MZF1: variants seen among roughly 807,000 people sequenced by gnomAD.
MZF1 encodes the protein myeloid zinc finger 1.
In MZF1, 24 loss-of-function variants were observed where a neutral mutation model predicts 28.6. The ratio of observed to expected loss-of-function variants is 0.84; its 90% CI spans 0.61 to 1.18. The LOEUF (loss-of-function observed/expected upper bound fraction) is 1.18, where lower values mean the gene tolerates loss of function less well. MZF1 is among the 50% of genes most tolerant of loss of function. The pLI is 0.00. For missense variants in MZF1, 1,166 were observed against 1,026.4 expected, an observed-to-expected ratio of 1.14 and a Z score of -1.86; for synonymous variants, 516 against 432.5, an observed-to-expected ratio of 1.19 and a Z score of -2.40.
rs1297310920 is a variant in MZF1, at chr19:58,570,975, C to T, written c.396+19G>A. 6.3e-7 allele frequency: 1 copy of T among 1,587,304 alleles called. No individual in the cohort carries two copies. The highest frequency in any genetic ancestry group is 8.6e-7 in the Non-Finnish European group (1 of 1,165,984). ...GATGATGCTCCAGTCCTGAACCCCA[C>T]TCGTGGACACTCACTCACCCATCTC... On this transcript the variant is annotated intron_variant, in intron 2 of 5. Transcript: ENST00000215057.
At chr19:58,569,995 C>T (rs2054128220) in intron 3 of MZF1, 1 of 309,316 alleles carries the variant, frequency 3.2e-6, no homozygotes, top group Admixed American at 4.6e-5. Flanking sequence ...CCTAATTATA[C>T]CTCTGCCTGC....
rs2054082626 is a variant in MZF1, at chr19:58,567,615, A to G, written c.772+1662T>C. Reference sequence around the variant, plus strand: ...CAAAATGGCCTAGCCACATTGCCCTATGGATCTGTTTGCAGCATCCACTCA... The same window carrying G: ...CAAAATGGCCTAGCCACATTGCCCTGTGGATCTGTTTGCAGCATCCACTCA... On this transcript the variant is annotated intron_variant, in intron 5 of 5. Coordinates refer to ENST00000215057, the MANE Select transcript of MZF1 (RefSeq NM_198055.2). Among the ~76,000 whole-genome samples, 3 of 152,156 alleles carry G rather than the reference A, an allele frequency of 2.0e-5. No individual in the cohort carries two copies. The South Asian group carries it at 6.2e-4, about 32-fold the overall frequency.
In MZF1 at chr19:58,563,294, G is replaced by A. The variant is rs148231126; in HGVS notation, c.983C>T (p.Pro328Leu). Residue 328 changes from proline to leucine, a missense_variant, in exon 6 of 6, where the codon CCT becomes CTT. Physicochemically the swap from Pro to Leu is moderately conservative, Grantham distance 98. Transcript: ENST00000215057. Reference sequence around the variant, plus strand: ...GCGCCAGCGGGTGGTGATCAGAGCAGGGCCCACACCCCGGCAGGGATCCTC... The same window carrying A: ...GCGCCAGCGGGTGGTGATCAGAGCAAGGCCCACACCCCGGCAGGGATCCTC... ...TDEDPCRGVG[P>L]ALITTRWRSP... 7.5e-5 allele frequency: 120 copies of A among 1,608,110 alleles called. 1 individual carries two copies. The African/African-American group carries it at 1.0e-3, about 14-fold the overall frequency.
intron 5 of MZF1, among the ~76,000 whole-genome samples, chr19:58,567,815 C>T (rs1431719450): frequency 6.6e-6 from 1 of 152,138 alleles, no homozygotes; most frequent in Non-Finnish European, 1.5e-5. Flanking sequence ...AGAGAACACA[C>T]TGTTTTTTTT....
chr19:58,571,425 T>C lies in MZF1; in HGVS notation c.-36A>G. 1 of 1,609,978 alleles carries C rather than the reference T, an allele frequency of 6.2e-7. No homozygotes were observed. ...AGGTCAGGTATCTGAGGCCAGTGTC[T>C]GCCCCTGGTGAAGAAATAGGATGAG... On this transcript the variant is annotated 5_prime_UTR_variant, in exon 2 of 6. Coordinates refer to ENST00000215057, the MANE Select transcript of MZF1 (RefSeq NM_198055.2).
At chr19:58,572,721 T>C (rs2054188710) in intron 1 of MZF1, 3 of 928,422 alleles carry the variant, frequency 3.2e-6, no homozygotes, top group Non-Finnish European at 4.5e-6. Context: ...CCTGAAACCC[T>C]GGGAGAGACT....
intron 2 of MZF1, 145 bp downstream of exon 2, chr19:58,570,849 C>A (rs1381488768): frequency 6.8e-6 from 6 of 877,922 alleles, no homozygotes; most frequent in Non-Finnish European, 1.0e-5. Context: ...CTGCCCTGGG[C>A]AGCCTTGCAC....
intron 5 of MZF1, among the ~76,000 whole-genome samples, chr19:58,565,366 T>A (rs2054027541): frequency 6.8e-6 from 1 of 147,218 alleles, no homozygotes. Context: ...AGTGCTGGGA[T>A]TGCAGGCGTG....
chr19:58,563,040 C>A lies in MZF1; in HGVS notation c.1237G>T (p.Val413Leu). The A allele has an allele frequency of 6.2e-7, 1 of 1,602,148 alleles. No individual in the cohort carries two copies. Among genetic ancestry groups the A allele is most frequent in the Non-Finnish European group, 8.5e-7 (1 of 1,179,590 alleles). The change falls in exon 6 of 6, where the codon GTG (valine) becomes TTG (leucine). Residue 413 changes from valine to leucine, a missense_variant. Coordinates refer to ENST00000215057, the MANE Select transcript of MZF1 (RefSeq NM_198055.2). ...AAGCCCTGGCCACAGTCGCCGCACA[C>A]GAACGGCCGCTCCTCGGTGTGCGTA... The part of the protein sequence containing the change: ...QLTHTEERPF[V>L]CGDCGQGFVR...
chr19:58,569,965 G>A (rs1313989541), intron 3 of MZF1: 6 of 305,248 alleles, frequency 2.0e-5, no homozygotes, highest in South Asian at 5.8e-5. Context: ...CTAACACTAC[G>A]AGGTCCTCCC....
rs971207662 is a variant in MZF1, at chr19:58,563,456, C to A, written c.821G>T (p.Ser274Ile). ...GTCCCAGGGGACGTGGAGGTGAGGG[C>A]TTACACTACCTGGACCTGCGGAGAT... ...GSISAGPGSV[S>I]PHLHVPWDLG... The change falls in exon 6 of 6, where the codon AGC becomes ATC. Residue 274 changes from serine to isoleucine, a missense_variant. Transcript: ENST00000215057. The A allele has an allele frequency of 3.2e-6, 5 of 1,577,856 alleles. No homozygotes were observed. The Admixed American group carries it at 7.3e-5, about 23-fold the overall frequency.
intron 5 of MZF1, among the ~76,000 whole-genome samples, chr19:58,566,008 G>A (rs1460897800): frequency 4.0e-5 from 6 of 151,588 alleles, no homozygotes; most frequent in Admixed American, 2.0e-4. Context: ...AGGCGTGGTG[G>A]CCGGCGCCTG....
At position 58,563,252 on chromosome 19, in the gene MZF1, C is replaced by T; in HGVS notation, c.1025G>A (p.Ser342Asn). 1 of 1,607,686 alleles carries T rather than the reference C, an allele frequency of 6.2e-7. No homozygotes were observed. Among genetic ancestry groups the T allele is most frequent in the Non-Finnish European group, 8.5e-7 (1 of 1,177,526 alleles). The stretch of plus-strand genomic sequence containing the variant: ...GCCCCCAGTGCTGGGGCGGCCCCGG[C>T]TCCGGCCCCTGGGGGAGCGCCAGCG... ...TTRWRSPRGR[S>N]RGRPSTGGGV... Residue 342 changes from serine (S) to asparagine (N), a missense_variant, in exon 6 of 6, where the codon AGC (serine) becomes AAC (asparagine). Transcript: ENST00000215057.
At position 58,562,369 on chromosome 19, in the gene MZF1, C is replaced by G. The variant is rs921566699; in HGVS notation, c.1908G>C (p.Gln636His). 1 of 1,608,888 alleles carries G rather than the reference C, an allele frequency of 6.2e-7. No individual in the cohort carries two copies. The highest frequency in any genetic ancestry group is 1.3e-5 in the African/African-American group (1 of 74,450). The change falls in exon 6 of 6, where the codon CAG becomes CAC. Residue 636 changes from glutamine to histidine, a missense_variant. Gln to His is a conservative substitution (Grantham distance 24). Coordinates refer to ENST00000215057, the MANE Select transcript of MZF1 (RefSeq NM_198055.2). Reference sequence around the variant, plus strand: ...GCTGGTGCTCGGTGAGCCGCGAGACCTGCGTGAAGCCCAGGCCGCACTCAC... The same window carrying G: ...GCTGGTGCTCGGTGAGCCGCGAGACGTGCGTGAAGCCCAGGCCGCACTCAC... ...HCGECGLGFTQVSRLTEHQRI... is the reference protein window; with the variant it reads ...HCGECGLGFTHVSRLTEHQRI...
Position 58,562,202 on chromosome 19 carries a change from T to C in MZF1, c.2075A>G (p.Gln692Arg), listed in dbSNP as rs769461846. ...ACPECGKAFR[Q>R]RPTLTQHLRT... Reference sequence around the variant, plus strand: ...CAGATGCTGCGTGAGCGTGGGCCGCTGGCGGAAGGCCTTGCCACACTCAGG... The same window carrying C: ...CAGATGCTGCGTGAGCGTGGGCCGCCGGCGGAAGGCCTTGCCACACTCAGG... Residue 692 changes from glutamine (Q) to arginine (R), a missense_variant, in exon 6 of 6, where the codon CAG becomes CGG. Gln to Arg is a conservative substitution (Grantham distance 43). Transcript: ENST00000215057. The C allele has an allele frequency of 5.6e-6, 9 of 1,608,400 alleles. No individual in the cohort carries two copies. Among genetic ancestry groups the C allele is most frequent in the South Asian group, 1.1e-5 (1 of 90,868 alleles).
At chr19:58,564,345 A>G (rs1300321191) in intron 5 of MZF1, 1 of 152,258 alleles carries the variant, frequency 6.6e-6, no homozygotes, top group Non-Finnish European at 1.5e-5. Context: ...AAAAAAATTA[A>G]AAAAGGACAA....
rs1600108430 is a variant in MZF1 at position 58,570,438 on chromosome 19, A to T, written c.486T>A (p.Thr162=). ...GAGGTGTCTTGGGCCCAGGCTCTGG[A>T]GTTGGAGGCTCAGTTTCAGGTAGGG... ...FQPLPETEPP[T]PEPGPKTPPR... is the part of the protein sequence containing the mutation. Residue 162 remains threonine, a synonymous_variant, in exon 3 of 6, where the codon ACT becomes ACA. Coordinates refer to ENST00000215057, the MANE Select transcript of MZF1 (RefSeq NM_198055.2). 1 of 1,613,794 alleles carries T rather than the reference A, an allele frequency of 6.2e-7. No homozygotes were observed. Among genetic ancestry groups the T allele is most frequent in the African/African-American group, 1.3e-5 (1 of 74,938 alleles).
chr19:58,571,399 C>G lies in MZF1; in HGVS notation c.-10G>C, dbSNP rs773974815. ...GCACCGCAGGCCTCATAGAGGGTAC[C>G]AGGTCAGGTATCTGAGGCCAGTGTC... is the stretch of plus-strand genomic sequence containing the variant. On this transcript the variant is annotated 5_prime_UTR_variant, in exon 2 of 6. Coordinates refer to ENST00000215057, the MANE Select transcript of MZF1 (RefSeq NM_198055.2). 2 of 1,613,600 alleles carry G rather than the reference C, an allele frequency of 1.2e-6. No individual in the cohort carries two copies. The highest frequency in any genetic ancestry group is 1.7e-6 in the Non-Finnish European group (2 of 1,179,792).
chr19:58,562,249 C>A lies in MZF1; in HGVS notation c.2028G>T (p.Thr676=). ...ANLTQHRRIH[T]GERPYACPEC... is the part of the protein sequence containing the mutation. ...CAGGGCATGCGTAGGGCCGTTCACC[C>A]GTGTGGATGCGCCGGTGCTGGGTGA... Residue 676 remains threonine, a synonymous_variant, in exon 6 of 6, where the codon ACG becomes ACT. Transcript: ENST00000215057. 6.3e-7 allele frequency: 1 copy of A among 1,599,748 alleles called. No individual in the cohort carries two copies. The highest frequency in any genetic ancestry group is 8.5e-7 in the Non-Finnish European group (1 of 1,175,520).
Sources: allele counts gnomAD v4.1 joint callset (sites outside exome capture counted in the v4.1 genomes callset), GRCh38; gene constraint gnomAD v4.1.1; transcripts MANE v1.5; gene names NCBI Gene and HGNC (gene_info 2026-07-23, HGNC 2026-07-21).